The following GABPB2 variants were observed in gnomAD, a reference collection of about 807,000 sequenced individuals.
GABPB2 encodes the protein GA binding protein transcription factor subunit beta 2, also known as GA-binding protein subunit beta-2.
GABPB2 carries 23 observed loss-of-function variants against 39.1 expected under a neutral mutation model. The observed-to-expected ratio is 0.59, with a 90% confidence interval of 0.42 to 0.83. The LOEUF is 0.83. Ranked by LOEUF, GABPB2 falls within the 40% of genes least tolerant of loss-of-function variation. The pLI, the probability that GABPB2 is intolerant of heterozygous loss-of-function variation, is 0.00. For missense variants in GABPB2, 467 were observed against 541.1 expected (o/e 0.86, Z 1.36); for synonymous variants, 184 against 199.3 (o/e 0.92, Z 0.65).
intron 1 of GABPB2, among the ~76,000 whole-genome samples, chr1:151,086,808 T>C (rs1466367821): frequency 6.6e-6 from 1 of 151,954 alleles, no homozygotes; most frequent in African/African-American, 2.4e-5. Flanking sequence ...GCTGAGACTA[T>C]AGGCACGTAC....
intron 4 of GABPB2, among the ~76,000 whole-genome samples, chr1:151,097,294 C>T (rs1425258582): frequency 2.0e-5 from 3 of 152,048 alleles, no homozygotes; most frequent in South Asian, 2.1e-4. Context: ...AATGATACAC[C>T]TTTGCTTTCC....
intron 1 of GABPB2, among the ~76,000 whole-genome samples, chr1:151,072,745 G>A (rs1045724269): frequency 4.6e-5 from 7 of 152,302 alleles, no homozygotes; most frequent in African/African-American, 1.7e-4. Flanking sequence ...TACCCAGGAG[G>A]CTGAGGCAGG....
intron 5 of GABPB2, among the ~76,000 whole-genome samples, chr1:151,103,285 G>A (rs754330844): frequency 7.9e-5 from 12 of 151,298 alleles, no homozygotes; most frequent in Admixed American, 2.6e-4. Flanking sequence ...TCCTGACCTC[G>A]TGATCCACCC....
In GABPB2 at chr1:151,117,874, G is replaced by A. The variant is rs1389417727; in HGVS notation, c.1048-83G>A. On this transcript the variant is annotated intron_variant, in intron 8 of 8. Transcript: ENST00000368918. ...GCTTGGATTATAGGTGTGAGGCACC[G>A]CTCCTGGCCTGTCTTTTTGTCTACT... 5.2e-6 allele frequency: 7 copies of A among 1,338,056 alleles called. No individual in the cohort carries two copies. The African/African-American group carries it at 5.8e-5, about 11-fold the overall frequency. The allele number at this position is 1,338,056 out of a possible 1,614,324, so 82.9% of individuals were successfully genotyped here. A position where few individuals can be genotyped will look rare whatever the true frequency, so the allele number is the denominator to read the frequency against.
chr1:151,072,970 A>G (rs1676854156), intron 1 of GABPB2: 1 of 152,048 alleles, frequency 6.6e-6, no homozygotes, highest in Non-Finnish European at 1.5e-5. Context: ...CTTGCTCAGT[A>G]CTTTATCCCA....
intron 7 of GABPB2, among the ~76,000 whole-genome samples, chr1:151,113,079 C>A (rs1680587807): frequency 6.7e-6 from 1 of 149,608 alleles, no homozygotes; most frequent in Non-Finnish European, 1.5e-5. Context: ...CCTAGCCCCT[C>A]AATTTTTTTT....
chr1:151,081,382 G>C (rs1677680764), intron 1 of GABPB2, among the ~76,000 whole-genome samples: 1 of 151,912 alleles, frequency 6.6e-6, no homozygotes, highest in African/African-American at 2.4e-5. Context: ...CCAGCTACTT[G>C]GGAGGCTGAG....
At chr1:151,074,224 C>T (rs1676967106) in intron 1 of GABPB2, among the ~76,000 whole-genome samples, 2 of 151,656 alleles carry the variant, frequency 1.3e-5, no homozygotes, top group Admixed American at 6.6e-5. Flanking sequence ...ATTCTCCCGC[C>T]TCAGCCTCCC....
intron 6 of GABPB2, 140 bp from the exon 7 acceptor site, chr1:151,106,897 C>T: frequency 1.9e-6 from 1 of 529,126 alleles, no homozygotes; most frequent in Non-Finnish European, 3.3e-6. Flanking sequence ...TTCACAAAAC[C>T]TTTTGCGAAC....
intron 7 of GABPB2, among the ~76,000 whole-genome samples, chr1:151,116,113 C>T (rs752866452): frequency 1.3e-5 from 2 of 151,704 alleles, no homozygotes; most frequent in Admixed American, 6.6e-5. Flanking sequence ...AAAAAAAGGC[C>T]GGGTGTGGTA....
chr1:151,093,239 G>T lies in GABPB2; in HGVS notation c.324G>T (p.Leu108Phe). The T allele has an allele frequency of 6.2e-7, 1 of 1,609,452 alleles. No individual in the cohort carries two copies. The highest frequency in any genetic ancestry group is 1.1e-5 in the South Asian group (1 of 90,032). ...NAKDMLKMTALHWATERHHRD... is the reference protein window; with the variant it reads ...NAKDMLKMTAFHWATERHHRD... ...AGGACATGCTGAAGATGACAGCTTT[G>T]CATTGGGCCACAGAGCGCCACCATC... The change falls in exon 4 of 9, where the codon TTG becomes TTT. Residue 108 changes from leucine to phenylalanine, a missense_variant. By Grantham distance (22) the Leu-to-Phe change is conservative. Coordinates refer to ENST00000368918, the MANE Select transcript of GABPB2 (RefSeq NM_144618.3).
At chr1:151,101,948 G>A (rs1047428394) in intron 5 of GABPB2, among the ~76,000 whole-genome samples, 5 of 152,196 alleles carry the variant, frequency 3.3e-5, no homozygotes, top group Non-Finnish European at 5.9e-5. Flanking sequence ...GCCAGATCTA[G>A]TGCGCTTCCC....
intron 1 of GABPB2, among the ~76,000 whole-genome samples, chr1:151,084,430 T>G (rs1172064353): frequency 6.6e-6 from 1 of 151,544 alleles, no homozygotes. Context: ...TTCTCCATGT[T>G]GGTCAGGCTG....
intron 1 of GABPB2, among the ~76,000 whole-genome samples, chr1:151,080,887 T>G (rs1282031438): frequency 6.7e-6 from 1 of 149,130 alleles, no homozygotes; most frequent in African/African-American, 2.4e-5. Flanking sequence ...AAGGTTTTTT[T>G]TTTGAGACGG....
intron 1 of GABPB2, among the ~76,000 whole-genome samples, chr1:151,075,511 C>G (rs1677091586): frequency 6.7e-6 from 1 of 148,240 alleles, no homozygotes; most frequent in Admixed American, 6.9e-5. Context: ...TTGCAGTGAG[C>G]CGAGATTGTG....
rs1303165342 is a variant in GABPB2, at chr1:151,080,226, A to C, written c.1-7964A>C. On this transcript the variant is annotated intron_variant, in intron 1 of 8. Transcript: ENST00000368918. Reference sequence around the variant, plus strand: ...GCCAAACTCCATCTCAAAAAAAAAAAAAAAAAAAAAAAAAAAAACAATAAT... The same window carrying C: ...GCCAAACTCCATCTCAAAAAAAAAACAAAAAAAAAAAAAAAAAACAATAAT... 3.0e-4 allele frequency among the ~76,000 whole-genome samples: 43 copies of C among 141,310 alleles called. 1 individual carries two copies. The highest frequency in any genetic ancestry group is 5.3e-4 in the African/African-American group (18 of 33,678). 92.7% of individuals were successfully genotyped at this position (141,310 alleles called of 152,430 possible).
intron 1 of GABPB2, among the ~76,000 whole-genome samples, chr1:151,075,636 G>A (rs1386989019): frequency 2.6e-5 from 4 of 151,146 alleles, no homozygotes; most frequent in Non-Finnish European, 5.9e-5. Flanking sequence ...TACAACCTGG[G>A]AGGCGGAAGT....
chr1:151,112,707 A>C, intron 7 of GABPB2: 2 of 216,432 alleles, frequency 9.2e-6, no homozygotes, highest in Non-Finnish European at 2.0e-5. Flanking sequence ...GGGTGGCTCC[A>C]GTAGAGCTGC....
chr1:151,117,349 A>G lies in GABPB2; in HGVS notation c.923-43A>G, dbSNP rs766326784. The G allele has an allele frequency of 5.0e-6, 8 of 1,591,506 alleles. No individual in the cohort carries two copies. The South Asian group carries it at 9.1e-5, about 18-fold the overall frequency. On this transcript the variant is annotated intron_variant, in intron 7 of 8. Coordinates refer to ENST00000368918, the MANE Select transcript of GABPB2 (RefSeq NM_144618.3). ...AAAGCAAGCAAAACCTCTTTGTTTTATTATGCATTCATCACCTCCAATTGG... is the reference window on the plus strand; with the variant it reads ...AAAGCAAGCAAAACCTCTTTGTTTTGTTATGCATTCATCACCTCCAATTGG...
Sources: gnomAD v4.1 joint callset for allele counts (sites outside exome capture counted in the v4.1 genomes callset) on GRCh38, gnomAD v4.1.1 for gene constraint, MANE v1.5 for transcripts, NCBI Gene and HGNC (gene_info 2026-07-23, HGNC 2026-07-21) for gene names.